The following SLC30A10 variants were observed in gnomAD, a reference collection of about 807,000 sequenced individuals.
The protein encoded by SLC30A10 is calcium/manganese antiporter SLC30A10.
Under a neutral mutation model 21.7 loss-of-function variants are expected in SLC30A10, and 8 were observed. That is an observed-to-expected ratio of 0.37 (90% CI 0.22 to 0.67). SLC30A10 has a LOEUF of 0.67. SLC30A10 is among the 30% of genes least tolerant of loss of function. The probability of loss-of-function intolerance (pLI) is 0.58; values close to 1 mark genes in which losing one functional copy is unlikely to be tolerated. For missense variants in SLC30A10, 521 were observed against 642.5 expected, an observed-to-expected ratio of 0.81 and a Z score of 2.04; for synonymous variants, 272 against 279.4, an observed-to-expected ratio of 0.97 and a Z score of 0.26.
At chr1:219,920,440 CTGAT>C (rs1659650861) in intron 2 of SLC30A10, among the ~76,000 whole-genome samples, 6 of 152,152 alleles carry the variant, frequency 3.9e-5, no homozygotes, top group Admixed American at 3.9e-4. Flanking sequence ...CTGTTATTCT[CTGAT>C]TGTCTCATAC....
chr1:219,920,475 G>A (rs554173904), intron 2 of SLC30A10, among the ~76,000 whole-genome samples: 18 of 152,098 alleles, frequency 1.2e-4, no homozygotes, highest in South Asian at 4.1e-4. Context: ...CATTTCCTCC[G>A]TAAGTAACAT....
At chr1:219,934,738 T>C (rs1660024618) in intron 1 of SLC30A10, among the ~76,000 whole-genome samples, 2 of 152,140 alleles carry the variant, frequency 1.3e-5, no homozygotes, top group South Asian at 4.1e-4. Flanking sequence ...GGGCTGCTGA[T>C]AAAGGAGAAA....
At chr1:219,944,403 GCGCCACTGCA>G (rs1558259896) in intron 1 of SLC30A10, among the ~76,000 whole-genome samples, 2 of 149,762 alleles carry the variant, frequency 1.3e-5, no homozygotes, top group African/African-American at 4.9e-5. Context: ...AGCCGAGATC[GCGCCACTGCA>G]GTCCAGCCTG....
intron 2 of SLC30A10, among the ~76,000 whole-genome samples, chr1:219,924,752 A>C (rs1411313425): frequency 6.6e-6 from 1 of 152,242 alleles, no homozygotes; most frequent in African/African-American, 2.4e-5. Flanking sequence ...GACAAAGTAC[A>C]TACTCAATAA....
At chr1:219,959,002 C>T (rs1418442707), upstream of SLC30A10, among the ~76,000 whole-genome samples, 1 of 152,180 alleles carries the variant, frequency 6.6e-6, no homozygotes, top group Admixed American at 6.5e-5. Flanking sequence ...GAAGCTTCTT[C>T]CGGAGTATCG....
intron 1 of SLC30A10, among the ~76,000 whole-genome samples, chr1:219,953,167 G>A (rs1268819743): frequency 1.3e-5 from 2 of 152,218 alleles, no homozygotes; most frequent in Non-Finnish European, 2.9e-5. Flanking sequence ...AGTAAAGCTG[G>A]TGGGAATTAA....
chr1:219,956,663 T>C lies in SLC30A10; in HGVS notation n.80+1905A>G, dbSNP rs538782400. On this transcript the variant is annotated intron_variant and non_coding_transcript_variant, in intron 1 of 8. Coordinates refer to the SLC30A10 transcript ENST00000484239. ...CCCTGTCTCTACTAAAAATAAAAAT[T>C]AAAAAAAAAAAAAAGAAGAAAAGAA... is the stretch of plus-strand genomic sequence containing the variant. Among the ~76,000 whole-genome samples, 78 of 136,424 alleles carry C rather than the reference T, an allele frequency of 5.7e-4. 1 individual carries two copies. Among genetic ancestry groups the C allele is most frequent in the Admixed American group, 9.7e-4 (13 of 13,430 alleles). The allele number at this position is 136,424 out of a possible 152,430, so 89.5% of individuals were successfully genotyped here.
chr1:219,958,302 T>C (rs752251943), intron 1 of SLC30A10, among the ~76,000 whole-genome samples: 11 of 152,164 alleles, frequency 7.2e-5, no homozygotes, highest in Non-Finnish European at 1.3e-4. Context: ...TTACTTCCTC[T>C]CTGCGTGCCT....
At chr1:219,944,440 T>C (rs1486265190) in intron 1 of SLC30A10, among the ~76,000 whole-genome samples, 2 of 151,300 alleles carry the variant, frequency 1.3e-5, no homozygotes, top group South Asian at 2.1e-4. Flanking sequence ...AGAGCAAGAC[T>C]CTGTCTCAAA....
At chr1:219,952,967 G>A (rs778344650) in intron 1 of SLC30A10, among the ~76,000 whole-genome samples, 30 of 152,232 alleles carry the variant, frequency 2.0e-4, no homozygotes, top group African/African-American at 6.7e-4. Flanking sequence ...GAAGTAAGAG[G>A]TTAGGTAAGC....
At chr1:219,932,705 C>CTT (rs58052957), upstream of SLC30A10, among the ~76,000 whole-genome samples, 7,547 of 65,024 alleles carry the variant, frequency 0.12, 1,747 homozygotes, top group Non-Finnish European at 0.18. Context: ...AGTAACCATT[C>CTT]TTTTTTTTTT....
chr1:219,915,480 T>A lies in SLC30A10; in HGVS notation c.1427A>T (p.Asp476Val), dbSNP rs774446472. 6.2e-7 allele frequency: 1 copy of A among 1,614,188 alleles called. No individual in the cohort carries two copies. The highest frequency in any genetic ancestry group is 1.1e-5 in the South Asian group (1 of 91,074). The change falls in exon 4 of 4, where the codon GAC becomes GTC. Residue 476 changes from aspartate (D) to valine (V), a missense_variant. By Grantham distance (152) the Asp-to-Val change is radical (BLOSUM62 -3). Coordinates refer to ENST00000366926, the MANE Select transcript of SLC30A10 (RefSeq NM_018713.3). ...ATGCGTTCTGTTGACATAACATTGG[T>A]CCTCCTGAGTTTTGTTAAGACTTTG... ...HGQSLNKTQE[D>V]QCYVNRTHF is the part of the protein sequence containing the mutation.
intron 3 of SLC30A10, among the ~76,000 whole-genome samples, chr1:219,917,694 C>CTT (rs1162926332): frequency 7.5e-6 from 1 of 133,784 alleles, no homozygotes; most frequent in Non-Finnish European, 1.6e-5. Context: ...GCATTCTTTT[C>CTT]TTTTTTTTCT....
chr1:219,947,415 C>G (rs1660200814), intron 1 of SLC30A10, among the ~76,000 whole-genome samples: 1 of 152,028 alleles, frequency 6.6e-6, no homozygotes, highest in Admixed American at 6.6e-5. Context: ...CACCTGTGGT[C>G]TTGGCTACTT....
At chr1:219,944,304 C>A (rs1216192139) in intron 1 of SLC30A10, among the ~76,000 whole-genome samples, 28 of 145,386 alleles carry the variant, frequency 1.9e-4, no homozygotes, top group East Asian at 1.3e-3. Context: ...AAAAATTAGC[C>A]AGGCATGGTG....
At chr1:219,948,973 G>T (rs1571813436) in intron 1 of SLC30A10, among the ~76,000 whole-genome samples, 1 of 152,062 alleles carries the variant, frequency 6.6e-6, no homozygotes, top group African/African-American at 2.4e-5. Flanking sequence ...CTTCTCAAAA[G>T]AAGACATTTA....
At chr1:219,936,027 G>A (rs949296451) in intron 1 of SLC30A10, among the ~76,000 whole-genome samples, 1 of 152,110 alleles carries the variant, frequency 6.6e-6, no homozygotes, top group Admixed American at 6.5e-5. Flanking sequence ...TAGTCATGTG[G>A]CAGAAAAGTA....
chr1:219,954,142 A>G (rs999335799), intron 1 of SLC30A10, among the ~76,000 whole-genome samples: 1 of 151,880 alleles, frequency 6.6e-6, no homozygotes, highest in African/African-American at 2.4e-5. Context: ...AGGAAACCTG[A>G]CTTGTTTCAG....
chr1:219,927,321 A>G lies in SLC30A10; in HGVS notation c.641-216T>C, dbSNP rs114238828. ...TTCACACATCCTTTCAAGTTAAAAC[A>G]AAAAGAGGGTGAATGGGAGCCCACC... On this transcript the variant is annotated intron_variant, in intron 1 of 3. Coordinates refer to ENST00000366926, the MANE Select transcript of SLC30A10 (RefSeq NM_018713.3). 7.5e-3 allele frequency among the ~76,000 whole-genome samples: 1,135 copies of G among 152,238 alleles called. 9 individuals carry two copies. The highest frequency in any genetic ancestry group is 0.025 in the African/African-American group (1,040 of 41,550).
Sources: allele counts gnomAD v4.1 joint callset (sites outside exome capture counted in the v4.1 genomes callset), GRCh38; gene constraint gnomAD v4.1.1; transcripts MANE v1.5; gene names NCBI Gene and HGNC (gene_info 2026-07-23, HGNC 2026-07-21).